CDKAL1: variants seen among roughly 807,000 people sequenced by gnomAD.
The protein encoded by CDKAL1 is CDKAL1 threonylcarbamoyladenosine tRNA methylthiotransferase, also known as threonylcarbamoyladenosine tRNA methylthiotransferase.
In CDKAL1, 32 loss-of-function variants were observed where a neutral mutation model predicts 68.2. That is an observed-to-expected ratio of 0.47 (90% CI 0.35 to 0.63). CDKAL1 has a LOEUF of 0.63. Among genes scored for constraint, CDKAL1 ranks in the 30% least tolerant of loss-of-function variants. The pLI, the probability that CDKAL1 is intolerant of heterozygous loss-of-function variation, is 0.00. For synonymous variants in CDKAL1, 234 were observed against 244.3 expected (o/e 0.96, Z 0.39); for missense variants, 606 against 696.7 (o/e 0.87, Z 1.47).
chr6:20,928,371 T>C (rs1317102633), intron 9 of CDKAL1, among the ~76,000 whole-genome samples: 1 of 152,248 alleles, frequency 6.6e-6, no homozygotes, highest in African/African-American at 2.4e-5. Flanking sequence ...TGTGCAGTGA[T>C]TGTAATATCA....
intron 13 of CDKAL1, among the ~76,000 whole-genome samples, chr6:21,127,458 A>T: frequency 6.6e-6 from 1 of 152,218 alleles, no homozygotes; most frequent in East Asian, 1.9e-4. Flanking sequence ...TTTTATAAAC[A>T]ATGTAAAAAG....
At chr6:21,095,460 C>A (rs1225997226) in intron 12 of CDKAL1, among the ~76,000 whole-genome samples, 1 of 152,136 alleles carries the variant, frequency 6.6e-6, no homozygotes, top group African/African-American at 2.4e-5. Context: ...TTATATATAA[C>A]TAGAGTTGCT....
intron 11 of CDKAL1, among the ~76,000 whole-genome samples, chr6:21,044,340 G>A (rs1770101146): frequency 6.6e-6 from 1 of 152,096 alleles, no homozygotes; most frequent in South Asian, 2.1e-4. Context: ...CCTCTTACTT[G>A]TAAGTATTCA....
intron 5 of CDKAL1, among the ~76,000 whole-genome samples, chr6:20,732,556 G>C (rs982755246): frequency 6.6e-6 from 1 of 151,810 alleles, no homozygotes; most frequent in African/African-American, 2.4e-5. Context: ...CAAAGTGCTA[G>C]GATTACAGGC....
intron 4 of CDKAL1, among the ~76,000 whole-genome samples, chr6:20,584,252 G>T (rs1765253369): frequency 6.6e-6 from 1 of 152,072 alleles, no homozygotes; most frequent in African/African-American, 2.4e-5. Context: ...GGGCCTAGGA[G>T]GGAGTCTCAC....
chr6:20,754,440 T>C (rs142997312), intron 6 of CDKAL1, among the ~76,000 whole-genome samples: 109 of 152,354 alleles, frequency 7.2e-4, no homozygotes, highest in African/African-American at 2.6e-3. Flanking sequence ...TCATCACCAC[T>C]ATCCATCTCT....
intron 4 of CDKAL1, among the ~76,000 whole-genome samples, chr6:20,568,593 G>A (rs887665837): frequency 6.6e-6 from 1 of 151,814 alleles, no homozygotes; most frequent in African/African-American, 2.4e-5. Flanking sequence ...AAATTAGCCG[G>A]GCGTGGTGGC....
intron 4 of CDKAL1, among the ~76,000 whole-genome samples, chr6:20,630,088 C>G (rs937892530): frequency 6.6e-6 from 1 of 152,096 alleles, no homozygotes; most frequent in African/African-American, 2.4e-5. Flanking sequence ...ATGCTGGTCT[C>G]AAACTCCTGA....
intron 9 of CDKAL1, among the ~76,000 whole-genome samples, chr6:20,911,601 C>G (rs1162803310): frequency 1.3e-5 from 2 of 152,150 alleles, no homozygotes. Flanking sequence ...TATTTATGCT[C>G]TTTTAGTTTT....
intron 8 of CDKAL1, among the ~76,000 whole-genome samples, chr6:20,830,428 T>G (rs1184802550): frequency 6.6e-6 from 1 of 152,186 alleles, no homozygotes; most frequent in Non-Finnish European, 1.5e-5. Flanking sequence ...CACCGTACTC[T>G]GTTTCCTCAG....
chr6:20,964,882 T>C (rs1765226913), intron 10 of CDKAL1, among the ~76,000 whole-genome samples: 1 of 152,176 alleles, frequency 6.6e-6, no homozygotes, highest in Non-Finnish European at 1.5e-5. Context: ...TATTGAATAT[T>C]GTTTATAAAA....
chr6:20,959,330 A>C (rs1246290489), intron 10 of CDKAL1, among the ~76,000 whole-genome samples: 1 of 152,222 alleles, frequency 6.6e-6, no homozygotes, highest in African/African-American at 2.4e-5. Context: ...CTGGAATTGA[A>C]GAAATATACC....
intron 5 of CDKAL1, among the ~76,000 whole-genome samples, chr6:20,680,924 T>C (rs936442044): frequency 2.6e-5 from 4 of 152,232 alleles, no homozygotes; most frequent in Non-Finnish European, 5.9e-5. Context: ...ATCATCAGTT[T>C]CCTGACATCA....
At chr6:20,842,658 C>T (rs1352516659) in intron 8 of CDKAL1, among the ~76,000 whole-genome samples, 1 of 152,064 alleles carries the variant, frequency 6.6e-6, no homozygotes, top group Non-Finnish European at 1.5e-5. Context: ...ATGGAGAAAC[C>T]CTGTCTCTAC....
At chr6:20,536,090 G>C (rs1017019619) in intron 2 of CDKAL1, among the ~76,000 whole-genome samples, 1 of 137,700 alleles carries the variant, frequency 7.3e-6, no homozygotes, top group Non-Finnish European at 1.5e-5. Flanking sequence ...CACCATGCCC[G>C]GCTAAATTTT....
rs144767287 is a variant in CDKAL1 at position 20,881,757 on chromosome 6, A to G, written c.742+35579A>G. 4.1e-3 allele frequency among the ~76,000 whole-genome samples: 629 copies of G among 151,950 alleles called. 4 individuals are homozygous for G. The highest frequency in any genetic ancestry group is 0.015 in the African/African-American group (601 of 41,384). ...TATTATGGTTGTGCATCTCATGTCT[A>G]TACTCTTTGTTTTTATGCAGTCTCA... On this transcript the variant is annotated intron_variant, in intron 9 of 15. Transcript: ENST00000274695.
chr6:20,610,957 A>C lies in CDKAL1; in HGVS notation c.287-38336A>C, dbSNP rs375141004. Among the ~76,000 whole-genome samples, 7 of 152,260 alleles carry C rather than the reference A, an allele frequency of 4.6e-5. No individual in the cohort carries two copies. The East Asian group carries it at 9.6e-4, about 21-fold the overall frequency. ...CCTGAATAGCTTGGACTACAGGTGC[A>C]CACCACCACGCCTGACTAGAATGGG... On this transcript the variant is annotated intron_variant, in intron 4 of 15. Transcript: ENST00000274695.
intron 11 of CDKAL1, among the ~76,000 whole-genome samples, chr6:21,027,078 C>CG (rs1219412525): frequency 6.6e-6 from 1 of 152,092 alleles, no homozygotes; most frequent in Non-Finnish European, 1.5e-5. Context: ...TAAACACACT[C>CG]ATCTCCCAGC....
chr6:20,819,937 C>T (rs1013504104), intron 8 of CDKAL1, among the ~76,000 whole-genome samples: 1 of 152,170 alleles, frequency 6.6e-6, no homozygotes, highest in South Asian at 2.1e-4. Context: ...AGTGATGCCT[C>T]GCACAGATAT....
Sources: allele counts gnomAD v4.1 joint callset (sites outside exome capture counted in the v4.1 genomes callset), GRCh38; gene constraint gnomAD v4.1.1; transcripts MANE v1.5; gene names NCBI Gene and HGNC (gene_info 2026-07-23, HGNC 2026-07-21).